The following IL13RA1 variants were observed in gnomAD, a reference collection of about 807,000 sequenced individuals.
IL13RA1 encodes the protein interleukin-13 receptor subunit alpha-1.
Under a neutral mutation model 33.8 loss-of-function variants are expected in IL13RA1, and 14 were observed. The observed-to-expected ratio is 0.41, with a 90% CI of 0.27 to 0.65. The LOEUF (loss-of-function observed/expected upper bound fraction) is 0.65, where lower values mean the gene tolerates loss of function less well. Ranked by LOEUF, IL13RA1 falls within the 30% of genes least tolerant of loss-of-function variation. IL13RA1 has a pLI of 0.28. For missense variants in IL13RA1, 313 were observed against 327.0 expected (o/e 0.96, Z 0.33); for synonymous variants, 116 against 115.7 (o/e 1.00, Z -0.02).
chrX:118,750,240 C>T lies in IL13RA1; in HGVS notation c.488+462C>T, dbSNP rs537585618. 1.4e-3 allele frequency among the ~76,000 whole-genome samples: 159 copies of T among 111,256 alleles called. 1 individual carries two copies. Among genetic ancestry groups the T allele is most frequent in the South Asian group, 9.5e-3 (25 of 2,639 alleles). ...GCTCTTTTATAGCCACACTCACCTCCGTCTTAAACCATCTCTCCTTGTACA... is the reference window on the plus strand; with the variant it reads ...GCTCTTTTATAGCCACACTCACCTCTGTCTTAAACCATCTCTCCTTGTACA... On this transcript the variant is annotated intron_variant, in intron 4 of 10. Transcript: ENST00000371666.
intron 2 of IL13RA1, among the ~76,000 whole-genome samples, chrX:118,742,738 A>G (rs1231488247): frequency 9.0e-6 from 1 of 111,192 alleles, no homozygotes; most frequent in Non-Finnish European, 1.9e-5. Context: ...TTTATAAAAT[A>G]TGGGGTTGTT....
intron 1 of IL13RA1, among the ~76,000 whole-genome samples, chrX:118,728,465 C>A: frequency 9.0e-6 from 1 of 111,529 alleles, no homozygotes; most frequent in East Asian, 2.8e-4. Flanking sequence ...TTGTGTATAT[C>A]CCTCACCCTG....
At chrX:118,774,393 CCCT>C (rs752712635) in intron 9 of IL13RA1, among the ~76,000 whole-genome samples, 1 of 111,244 alleles carries the variant, frequency 9.0e-6, no homozygotes, top group East Asian at 2.8e-4. Flanking sequence ...AAGTGATCCA[CCCT>C]CCTCAGCCTC....
chrX:118,795,065 A>G (rs2018019515), downstream of IL13RA1, among the ~76,000 whole-genome samples: 2 of 109,515 alleles, frequency 1.8e-5, no homozygotes, highest in African/African-American at 3.4e-5. Flanking sequence ...TACTAAAAAT[A>G]CAAAAAAATT....
intron 2 of IL13RA1, among the ~76,000 whole-genome samples, chrX:118,745,905 T>C (rs1397116077): frequency 4.5e-5 from 5 of 111,924 alleles, no homozygotes. Context: ...TGGTGATTTA[T>C]GTCTCTATGA....
intron 2 of IL13RA1, among the ~76,000 whole-genome samples, chrX:118,746,488 T>C (rs1349891247): frequency 8.9e-6 from 1 of 112,085 alleles, no homozygotes; most frequent in African/African-American, 3.2e-5. Context: ...TCTAAGTGAA[T>C]TTTGATAATC....
In IL13RA1 at chrX:118,743,007, T is replaced by C. The variant is rs949106155; in HGVS notation, c.228+1851T>C. On this transcript the variant is annotated intron_variant, in intron 2 of 10. Coordinates refer to ENST00000371666, the MANE Select transcript of IL13RA1 (RefSeq NM_001560.3). Reference sequence around the variant, plus strand: ...CCATTTTACCCCTGAAGAAACCAGATAGAGACCAAAAAGGGTGACCTCTGC... The same window carrying C: ...CCATTTTACCCCTGAAGAAACCAGACAGAGACCAAAAAGGGTGACCTCTGC... 2.7e-5 allele frequency among the ~76,000 whole-genome samples: 3 copies of C among 111,937 alleles called. No homozygotes were observed. In the East Asian group the frequency reaches 8.4e-4, roughly 31 times the overall value.
chrX:118,766,502 AGTT>A, intron 6 of IL13RA1, 25 bp from the exon 7 acceptor site: 1 of 779,910 alleles, frequency 1.3e-6, no homozygotes, highest in Non-Finnish European at 2.0e-6. Context: ...AGGACTCATT[AGTT>A]TATTTATTTA....
At position 118,730,962 on chromosome X, in the gene IL13RA1, A is replaced by G. The variant is rs112833824; in HGVS notation, c.88+3236A>G. ...TCTTGTGATTTCCTTAACTTTTCCC[A>G]AAATGTGCATGCCTCTGCTAGCTGC... On this transcript the variant is annotated intron_variant, in intron 1 of 10. Coordinates refer to ENST00000371666, the MANE Select transcript of IL13RA1 (RefSeq NM_001560.3). 3.9e-3 allele frequency among the ~76,000 whole-genome samples: 440 copies of G among 112,661 alleles called. 1 individual carries two copies. Among genetic ancestry groups the G allele is most frequent in the African/African-American group, 0.013 (407 of 31,025 alleles).
intron 1 of IL13RA1, among the ~76,000 whole-genome samples, chrX:118,740,459 A>T (rs1359440305): frequency 8.9e-6 from 1 of 112,305 alleles, no homozygotes; most frequent in Non-Finnish European, 1.9e-5. Context: ...GGAACAAATT[A>T]CTTCACCTGC....
At chrX:118,743,522 A>G (rs1025061322) in intron 2 of IL13RA1, among the ~76,000 whole-genome samples, 3 of 111,774 alleles carry the variant, frequency 2.7e-5, no homozygotes, top group Admixed American at 9.5e-5. Context: ...AGGATCTAGC[A>G]TCAGATTTTA....
intron 1 of IL13RA1, among the ~76,000 whole-genome samples, chrX:118,736,332 G>A (rs776029315): frequency 9.1e-6 from 1 of 110,321 alleles, no homozygotes; most frequent in Admixed American, 9.6e-5. Context: ...TGGTTTTTTT[G>A]TTTTGTTTTG....
In IL13RA1 at chrX:118,794,178, A is replaced by G. The variant is rs2018008099; in HGVS notation, c.*2324A>G. On this transcript the variant is annotated 3_prime_UTR_variant, in exon 11 of 11. Coordinates refer to ENST00000371666, the MANE Select transcript of IL13RA1 (RefSeq NM_001560.3). ...TTTTAGCAGTAAAATAGCTGAGGGA[A>G]AAGGGAGGGAAAAGGAAGTTATGGG... The G allele has an allele frequency of 9.0e-6, 1 of 111,507 alleles. No individual in the cohort carries two copies. Among genetic ancestry groups the G allele is most frequent in the Non-Finnish European group, 1.9e-5 (1 of 53,058 alleles). 9.2% of individuals were successfully genotyped at this position (111,507 alleles called of 1,213,427 possible).
At chrX:118,759,090 A>T (rs892398943) in intron 5 of IL13RA1, 2 of 112,009 alleles carry the variant, frequency 1.8e-5, no homozygotes, top group Admixed American at 9.5e-5. Flanking sequence ...TATTCAAAAT[A>T]TTTAACATTC....
At chrX:118,750,438 G>C (rs1413121113) in intron 4 of IL13RA1, among the ~76,000 whole-genome samples, 1 of 109,888 alleles carries the variant, frequency 9.1e-6, no homozygotes, top group Non-Finnish European at 1.9e-5. Flanking sequence ...ACAAGTAGTT[G>C]TATATCACGA....
At chrX:118,733,785 A>ATT (rs34437600) in intron 1 of IL13RA1, among the ~76,000 whole-genome samples, 1 of 107,979 alleles carries the variant, frequency 9.3e-6, no homozygotes, top group Non-Finnish European at 1.9e-5. Flanking sequence ...TCCATTTTGA[A>ATT]TTTTTTTTTT....
At chrX:118,753,915 A>G (rs1331372010) in intron 4 of IL13RA1, among the ~76,000 whole-genome samples, 2 of 113,009 alleles carry the variant, frequency 1.8e-5, no homozygotes, top group Non-Finnish European at 3.7e-5. Flanking sequence ...CACTGGCTAC[A>G]TGTGGCTAGT....
chrX:118,802,888 C>G, the IL13RA1 span, among the ~76,000 whole-genome samples: 273 of 111,772 alleles, frequency 2.4e-3, no homozygotes, highest in Non-Finnish European at 4.2e-3. Context: ...AACATTCAAG[C>G]TCCACCCCAC....
At position 118,727,609 on chromosome X, in the gene IL13RA1, G is replaced by T; in HGVS notation, c.-30G>T. ...GGAGGCGGGGACTGCCAAGGCTCCA[G>T]CCCGGCCGGGCTCCGAGGCGAGAGG... On this transcript the variant is annotated 5_prime_UTR_variant, in exon 1 of 11. Coordinates refer to ENST00000371666, the MANE Select transcript of IL13RA1 (RefSeq NM_001560.3). The T allele has an allele frequency of 1.2e-6, 1 of 868,616 alleles. No homozygotes were observed. The highest frequency in any genetic ancestry group is 1.4e-6 in the Non-Finnish European group (1 of 693,271). 71.6% of individuals were successfully genotyped at this position (868,616 alleles called of 1,213,427 possible). A position where few individuals can be genotyped will look rare whatever the true frequency, so the allele number is the denominator to read the frequency against.
Sources: allele counts gnomAD v4.1 joint callset (sites outside exome capture counted in the v4.1 genomes callset), GRCh38; gene constraint gnomAD v4.1.1; transcripts MANE v1.5; gene names NCBI Gene and HGNC (gene_info 2026-07-23, HGNC 2026-07-21).